Variants in RGS6 observed in about 807,000 individuals in gnomAD.
The protein encoded by RGS6 is regulator of G-protein signaling 6.
RGS6 carries 30 observed loss-of-function variants against 78.5 expected under a neutral mutation model. The ratio of observed to expected loss-of-function variants is 0.38; its 90% CI spans 0.29 to 0.52. The LOEUF (loss-of-function observed/expected upper bound fraction) is 0.52. RGS6 is among the 20% of genes least tolerant of loss of function. RGS6 has a pLI of 0.85. For synonymous variants in RGS6, 206 were observed against 206.0 expected (o/e 1.00, Z 0.00); for missense variants, 495 against 609.7 (o/e 0.81, Z 1.98).
At chr14:72,319,637 G>A (rs559852769) in intron 2 of RGS6, among the ~76,000 whole-genome samples, 15 of 152,160 alleles carry the variant, frequency 9.9e-5, no homozygotes, top group East Asian at 3.9e-4. Flanking sequence ...CACCGCACCC[G>A]GCCTGAAGGG....
At chr14:72,413,935 T>C (rs1314368118) in intron 3 of RGS6, among the ~76,000 whole-genome samples, 1 of 152,260 alleles carries the variant, frequency 6.6e-6, no homozygotes, top group Non-Finnish European at 1.5e-5. Context: ...TGCTGAGAGA[T>C]CAGCTGTTAG....
At chr14:72,588,014 T>C in the RGS6 span, among the ~76,000 whole-genome samples, 1 of 152,198 alleles carries the variant, frequency 6.6e-6, no homozygotes, top group Non-Finnish European at 1.5e-5. Context: ...GCTAGAGCAG[T>C]GGCTGCACCA....
chr14:72,355,662 G>C (rs1466411735), intron 3 of RGS6, among the ~76,000 whole-genome samples: 2 of 152,150 alleles, frequency 1.3e-5, no homozygotes, highest in African/African-American at 2.4e-5. Context: ...CAGAATTTTA[G>C]ATTGTGATAA....
intron 2 of RGS6, among the ~76,000 whole-genome samples, chr14:72,092,184 C>T (rs1037569598): frequency 4.6e-5 from 7 of 151,910 alleles, no homozygotes; most frequent in Non-Finnish European, 1.0e-4. Context: ...CGCCACCACA[C>T]CCAGCTAAGT....
At chr14:72,393,569 A>C (rs1368348503) in intron 3 of RGS6, among the ~76,000 whole-genome samples, 4 of 152,184 alleles carry the variant, frequency 2.6e-5, no homozygotes, top group African/African-American at 9.7e-5. Context: ...CAAGTCTCCC[A>C]ACTCTTAAAC....
At chr14:72,185,193 G>C (rs925067334) in intron 2 of RGS6, among the ~76,000 whole-genome samples, 6 of 151,960 alleles carry the variant, frequency 3.9e-5, no homozygotes, top group African/African-American at 1.5e-4. Context: ...CTTTATTCTG[G>C]CTGTGCTGGC....
chr14:72,125,063 A>T (rs2096154303), intron 2 of RGS6, among the ~76,000 whole-genome samples: 1 of 152,178 alleles, frequency 6.6e-6, no homozygotes, highest in Non-Finnish European at 1.5e-5. Flanking sequence ...GCCAACTCCC[A>T]CCAGACTCCA....
intron 2 of RGS6, among the ~76,000 whole-genome samples, chr14:72,239,863 C>T (rs1274984133): frequency 3.9e-5 from 6 of 152,154 alleles, no homozygotes; most frequent in Non-Finnish European, 8.8e-5. Context: ...CTATCTGTTG[C>T]AGATTCAGAT....
At chr14:72,420,204 A>AC (rs1369777769) in intron 3 of RGS6, among the ~76,000 whole-genome samples, 3 of 152,250 alleles carry the variant, frequency 2.0e-5, no homozygotes, top group African/African-American at 7.2e-5. Flanking sequence ...CATGTGGCTA[A>AC]CAAGGGTCTC....
chr14:71,868,389 G>C, the RGS6 span, among the ~76,000 whole-genome samples: 1 of 152,172 alleles, frequency 6.6e-6, no homozygotes, highest in Admixed American at 6.5e-5. Flanking sequence ...GTGGGAAGAA[G>C]TATTAGACAG....
intron 2 of RGS6, among the ~76,000 whole-genome samples, chr14:72,055,630 C>A (rs1261145841): frequency 6.6e-6 from 1 of 152,070 alleles, no homozygotes. Flanking sequence ...TCTTTGGAGC[C>A]CAGCATTGAA....
chr14:72,154,021 C>G (rs146797892), intron 2 of RGS6, among the ~76,000 whole-genome samples: 2 of 152,160 alleles, frequency 1.3e-5, no homozygotes, highest in African/African-American at 4.8e-5. Context: ...ATAGGACAGA[C>G]ATTCCCAGAG....
chr14:72,316,558 G>T (rs1434867733), intron 2 of RGS6, among the ~76,000 whole-genome samples: 1 of 152,138 alleles, frequency 6.6e-6, no homozygotes, highest in Non-Finnish European at 1.5e-5. Flanking sequence ...CCTACAAACG[G>T]CATGAACTCA....
chr14:72,171,187 GA>G lies in RGS6; in HGVS notation c.85-180906del, dbSNP rs1418583178. On this transcript the variant is annotated intron_variant, in intron 2 of 17. Transcript: ENST00000553525. ...ACGTGCTGAGGAGGAAAAAAAAGCT[GA>G]AGGGATTTTGTCTGTGCATGCATGC... 4.6e-5 allele frequency among the ~76,000 whole-genome samples: 7 copies of G among 152,156 alleles called. No individual in the cohort carries two copies. The East Asian group carries it at 1.4e-3, about 29-fold the overall frequency.
chr14:71,894,533 T>C, the RGS6 span, among the ~76,000 whole-genome samples: 1 of 152,152 alleles, frequency 6.6e-6, no homozygotes, highest in Non-Finnish European at 1.5e-5. Context: ...TTTCACCACT[T>C]TACTTTCTTA....
At chr14:71,893,400 T>G in the RGS6 span, among the ~76,000 whole-genome samples, 18 of 152,382 alleles carry the variant, frequency 1.2e-4, no homozygotes, top group Admixed American at 3.9e-4. Flanking sequence ...ACTTACCCTG[T>G]GCTCAGATGC....
At chr14:72,181,580 C>T (rs1430360294) in intron 2 of RGS6, among the ~76,000 whole-genome samples, 1 of 152,160 alleles carries the variant, frequency 6.6e-6, no homozygotes, top group Non-Finnish European at 1.5e-5. Context: ...CAGGACTAAA[C>T]TGATTCCTTC....
At chr14:72,278,499 A>G (rs2061052538) in intron 2 of RGS6, among the ~76,000 whole-genome samples, 1 of 152,210 alleles carries the variant, frequency 6.6e-6, no homozygotes, top group African/African-American at 2.4e-5. Context: ...ATGGCAGTTA[A>G]GGCAAACAGC....
intron 2 of RGS6, among the ~76,000 whole-genome samples, chr14:72,350,813 T>C (rs1596130808): frequency 6.6e-6 from 1 of 152,148 alleles, no homozygotes; most frequent in Non-Finnish European, 1.5e-5. Flanking sequence ...TGTGAAAAAA[T>C]GGAGATAATA....
Sources: gnomAD v4.1 joint callset for allele counts (sites outside exome capture counted in the v4.1 genomes callset) on GRCh38, gnomAD v4.1.1 for gene constraint, MANE v1.5 for transcripts, NCBI Gene and HGNC (gene_info 2026-07-23, HGNC 2026-07-21) for gene names.